CSMD1: variants seen among roughly 807,000 people sequenced by gnomAD.
CSMD1 encodes the protein CUB and sushi domain-containing protein 1.
A neutral mutation model predicts 417.5 loss-of-function variants in CSMD1; 213 were observed. The observed-to-expected ratio is 0.51, with a 90% CI of 0.46 to 0.57. CSMD1 has a LOEUF of 0.57. CSMD1 is among the 20% of genes least tolerant of loss of function. The pLI, the probability that CSMD1 is intolerant of heterozygous loss-of-function variation, is 0.00. For missense variants in CSMD1, 6,923 were observed against 4,529.7 expected (o/e 1.53, Z -15.17); for synonymous variants, 2,862 against 1,736.8 (o/e 1.65, Z -16.11).
At chr8:4,599,740 T>G (rs1400150890) in intron 2 of CSMD1, among the ~76,000 whole-genome samples, 1 of 152,148 alleles carries the variant, frequency 6.6e-6, no homozygotes, top group Non-Finnish European at 1.5e-5. Context: ...TTTCTTTAAT[T>G]CCAAACAATG....
At chr8:4,378,209 T>C (rs1410595197) in intron 3 of CSMD1, among the ~76,000 whole-genome samples, 1 of 152,222 alleles carries the variant, frequency 6.6e-6, no homozygotes, top group Admixed American at 6.5e-5. Context: ...GAATTAGTCG[T>C]GTTATGTACT....
At chr8:4,085,934 G>A (rs1018080076) in intron 3 of CSMD1, among the ~76,000 whole-genome samples, 10 of 152,062 alleles carry the variant, frequency 6.6e-5, no homozygotes, top group Non-Finnish European at 2.9e-5. Flanking sequence ...AGGGGGCTCT[G>A]TATTATTTCT....
chr8:3,375,081 C>T (rs17065997), intron 18 of CSMD1: 32,272 of 152,038 alleles, frequency 0.21, 3,710 homozygotes, highest in African/African-American at 0.31. Context: ...TTCACCTCCA[C>T]GGTGCCCAAC....
intron 1 of CSMD1, among the ~76,000 whole-genome samples, chr8:4,660,401 A>G (rs1056705221): frequency 1.1e-4 from 16 of 152,144 alleles, no homozygotes; most frequent in Non-Finnish European, 1.3e-4. Context: ...ATGATTAAGC[A>G]AGATACCATG....
chr8:4,710,299 T>A (rs987288522), intron 1 of CSMD1, among the ~76,000 whole-genome samples: 2 of 151,424 alleles, frequency 1.3e-5, no homozygotes, highest in Admixed American at 6.6e-5. Context: ...ATAATGTATA[T>A]GTGTATACAT....
At chr8:4,544,759 T>C (rs1797558585) in intron 2 of CSMD1, among the ~76,000 whole-genome samples, 1 of 152,212 alleles carries the variant, frequency 6.6e-6, no homozygotes, top group Non-Finnish European at 1.5e-5. Context: ...CAAATCCATT[T>C]TTGAAGGGCA....
chr8:3,139,394 T>A (rs984368475), intron 41 of CSMD1, among the ~76,000 whole-genome samples: 2 of 152,050 alleles, frequency 1.3e-5, no homozygotes, highest in Non-Finnish European at 2.9e-5. Context: ...ACCCAGAGAT[T>A]TTCTGGCCCC....
intron 2 of CSMD1, among the ~76,000 whole-genome samples, chr8:4,541,884 G>T (rs1472899854): frequency 6.6e-6 from 1 of 152,254 alleles, no homozygotes; most frequent in East Asian, 1.9e-4. Flanking sequence ...GATGGAGGCT[G>T]GAGGCGCCGC....
chr8:3,992,245 C>A (rs1434524585), intron 5 of CSMD1, among the ~76,000 whole-genome samples: 1 of 151,876 alleles, frequency 6.6e-6, no homozygotes, highest in Non-Finnish European at 1.5e-5. Flanking sequence ...AAAAACAACA[C>A]TTCTAAGCTC....
chr8:3,903,531 C>A (rs552926888), intron 5 of CSMD1, among the ~76,000 whole-genome samples: 1 of 152,120 alleles, frequency 6.6e-6, no homozygotes, highest in Non-Finnish European at 1.5e-5. Context: ...CAGTAATTGC[C>A]GGCATTTTGT....
chr8:4,295,497 T>TA (rs1797626338), intron 3 of CSMD1, among the ~76,000 whole-genome samples: 1 of 144,184 alleles, frequency 6.9e-6, no homozygotes, highest in Non-Finnish European at 1.5e-5. Context: ...AGATTAAATA[T>TA]ATCTTATACA....
chr8:4,091,085 A>C (rs1800695834), intron 3 of CSMD1, among the ~76,000 whole-genome samples: 1 of 151,744 alleles, frequency 6.6e-6, no homozygotes, highest in Admixed American at 6.6e-5. Flanking sequence ...TGCCCAGCTA[A>C]TTTTTGTAAT....
chr8:3,873,799 G>T (rs945842483), intron 5 of CSMD1, among the ~76,000 whole-genome samples: 1 of 152,162 alleles, frequency 6.6e-6, no homozygotes, highest in African/African-American at 2.4e-5. Context: ...ATTAGACTGG[G>T]AGAAAGAAAA....
At chr8:3,183,912 C>G (rs1366380197) in intron 36 of CSMD1, among the ~76,000 whole-genome samples, 1 of 152,212 alleles carries the variant, frequency 6.6e-6, no homozygotes, top group Non-Finnish European at 1.5e-5. Flanking sequence ...GTGCAATAAT[C>G]TTCCAACTTG....
chr8:3,409,448 C>G lies in CSMD1; in HGVS notation c.1719G>C (p.Trp573Cys). Residue 573 changes from tryptophan to cysteine, a missense_variant, in exon 13 of 70, where the codon TGG becomes TGC. Physicochemically the swap from Trp to Cys is radical, Grantham distance 215. Transcript: ENST00000635120. The part of the protein sequence containing the change: ...RVITCQQNNQ[W>C]SGNKPSCVFS... ...ATACACAGCTGGGCTTGTTGCCAGA[C>G]CACTGATTGTTCTGCTGACAGGTGA... is the stretch of plus-strand genomic sequence containing the variant. 1 of 1,611,136 alleles carries G rather than the reference C, an allele frequency of 6.2e-7. No homozygotes were observed. Among genetic ancestry groups the G allele is most frequent in the Non-Finnish European group, 8.5e-7 (1 of 1,178,786 alleles).
intron 2 of CSMD1, among the ~76,000 whole-genome samples, chr8:4,497,658 G>C (rs1563233517): frequency 6.6e-6 from 1 of 152,088 alleles, no homozygotes; most frequent in Non-Finnish European, 1.5e-5. Flanking sequence ...GCCCCAGTGA[G>C]GAAATTACCA....
chr8:4,555,732 G>T (rs1798060363), intron 2 of CSMD1, among the ~76,000 whole-genome samples: 1 of 152,132 alleles, frequency 6.6e-6, no homozygotes, highest in Non-Finnish European at 1.5e-5. Context: ...CCCTTTCAGG[G>T]AAACCATAAG....
At chr8:3,060,432 AC>A (rs1231648459) in intron 49 of CSMD1, among the ~76,000 whole-genome samples, 1 of 152,092 alleles carries the variant, frequency 6.6e-6, no homozygotes, top group Non-Finnish European at 1.5e-5. Flanking sequence ...CAAGTGATCC[AC>A]CCACCTTCGT....
chr8:4,494,563 G>A (rs1313585556), intron 2 of CSMD1, among the ~76,000 whole-genome samples: 2 of 152,048 alleles, frequency 1.3e-5, no homozygotes, highest in African/African-American at 4.8e-5. Context: ...CTGGGCTATG[G>A]ATTAAAAATA....
Sources: gnomAD v4.1 joint callset for allele counts (sites outside exome capture counted in the v4.1 genomes callset) on GRCh38, gnomAD v4.1.1 for gene constraint, MANE v1.5 for transcripts, NCBI Gene and HGNC (gene_info 2026-07-23, HGNC 2026-07-21) for gene names.